PTPA: variants seen among roughly 807,000 people sequenced by gnomAD.
PTPA encodes serine/threonine-protein phosphatase 2A activator.
In PTPA, 13 loss-of-function variants were observed where a neutral mutation model predicts 43.6. That is an observed-to-expected ratio of 0.30 (90% CI 0.19 to 0.47). PTPA has a LOEUF of 0.47. Among genes scored for constraint, PTPA ranks in the 20% least tolerant of loss-of-function variants. PTPA has a pLI of 0.99. For synonymous variants in PTPA, 172 were observed against 158.2 expected (o/e 1.09, Z -0.66); for missense variants, 329 against 411.9 (o/e 0.80, Z 1.74).
intron 7 of PTPA, 88 bp downstream of exon 7, chr9:129,136,683 C>T: frequency 1.4e-6 from 2 of 1,416,090 alleles, no homozygotes; most frequent in South Asian, 3.0e-5. Context: ...CTCCCTCCTT[C>T]CCTTCTTCCT....
In PTPA at chr9:129,142,312, TGC is replaced by T. The variant is rs1161483783; in HGVS notation, c.787-129_787-128del. ...TGCTATAGCTTGGTCCCCAAGTGTC[TGC>T]GCGTGCATTGTGTGCGTGTGCGTTT... is the stretch of plus-strand genomic sequence containing the variant. On this transcript the variant is annotated intron_variant, in intron 8 of 9. Coordinates refer to ENST00000393370, the MANE Select transcript of PTPA (RefSeq NM_178000.3). 1.8e-5 allele frequency: 14 copies of T among 777,618 alleles called. No homozygotes were observed. In the East Asian group the frequency reaches 3.8e-4, roughly 21 times the overall value. 48.2% of individuals were successfully genotyped at this position (777,618 alleles called of 1,614,324 possible). A position where few individuals can be genotyped will look rare whatever the true frequency, so the allele number is the denominator to read the frequency against.
At chr9:129,131,396 C>A (rs1454035083) in intron 4 of PTPA, 126 bp from the exon 5 acceptor site, 3 of 753,608 alleles carry the variant, frequency 4.0e-6, no homozygotes, top group Non-Finnish European at 6.9e-6. Flanking sequence ...TGTGGCCTGT[C>A]AGAACAGGAA....
At chr9:129,129,894 A>G (rs1849844930) in intron 4 of PTPA, among the ~76,000 whole-genome samples, 1 of 152,190 alleles carries the variant, frequency 6.6e-6, no homozygotes, top group South Asian at 2.1e-4. Context: ...CAACATAGCA[A>G]GACCCCGTTA....
intron 3 of PTPA, among the ~76,000 whole-genome samples, chr9:129,123,486 G>C (rs1429878588): frequency 4.0e-5 from 6 of 150,588 alleles, no homozygotes; most frequent in Non-Finnish European, 2.9e-5. Flanking sequence ...AAAAAAAATA[G>C]CTCCAGAGTC....
intron 1 of PTPA, among the ~76,000 whole-genome samples, chr9:129,115,584 A>G (rs1848809963): frequency 6.6e-6 from 1 of 151,744 alleles, no homozygotes; most frequent in Admixed American, 6.6e-5. Flanking sequence ...ACAAATTTAT[A>G]CCAGGTTGTG....
At chr9:129,130,911 T>C (rs1207992306) in intron 4 of PTPA, among the ~76,000 whole-genome samples, 1 of 152,202 alleles carries the variant, frequency 6.6e-6, no homozygotes, top group Non-Finnish European at 1.5e-5. Context: ...TTTCCATGTT[T>C]CTGAACTTCG....
chr9:129,128,185 C>T (rs770929707), intron 3 of PTPA: 36 of 549,376 alleles, frequency 6.6e-5, no homozygotes, highest in Non-Finnish European at 8.9e-5. Flanking sequence ...AATCCAGGCC[C>T]ACCATGCTAA....
chr9:129,143,375 G>T (rs1488615717), intron 9 of PTPA: 1 of 703,070 alleles, frequency 1.4e-6, no homozygotes, highest in South Asian at 1.5e-5. Flanking sequence ...CTGTTCTCAG[G>T]CTGGCCCTTG....
At chr9:129,117,037 T>C (rs768689345) in intron 1 of PTPA, among the ~76,000 whole-genome samples, 1 of 152,166 alleles carries the variant, frequency 6.6e-6, no homozygotes, top group Non-Finnish European at 1.5e-5. Context: ...CACATCATCT[T>C]ATCAACTGAT....
chr9:129,138,414 C>T (rs1031689221), intron 8 of PTPA, among the ~76,000 whole-genome samples: 1 of 152,218 alleles, frequency 6.6e-6, no homozygotes, highest in African/African-American at 2.4e-5. Flanking sequence ...AGCCAGGAAC[C>T]TGCATCTAAA....
At chr9:129,129,159 G>A (rs989561435) in intron 4 of PTPA, 49 bp downstream of exon 4, 1 of 1,601,524 alleles carries the variant, frequency 6.2e-7, no homozygotes, top group South Asian at 1.1e-5. Flanking sequence ...AGTGAGGGTG[G>A]TTCTGGCACC....
At chr9:129,143,749 G>A (rs1564204334) in intron 9 of PTPA, 4 of 256,384 alleles carry the variant, frequency 1.6e-5, no homozygotes, top group South Asian at 1.2e-4. Context: ...CTGAGAGCCC[G>A]TTGGCTGGAG....
At chr9:129,124,479 T>G (rs1275914287) in intron 3 of PTPA, among the ~76,000 whole-genome samples, 1 of 152,216 alleles carries the variant, frequency 6.6e-6, no homozygotes, top group Non-Finnish European at 1.5e-5. Context: ...CGTGGAAATG[T>G]GGAGTCAAAG....
chr9:129,138,459 G>T (rs1053279191), intron 8 of PTPA, among the ~76,000 whole-genome samples: 1 of 152,196 alleles, frequency 6.6e-6, no homozygotes, highest in Admixed American at 6.5e-5. Context: ...GAAAGCTGGG[G>T]ACCCTCTGCT....
intron 3 of PTPA, among the ~76,000 whole-genome samples, chr9:129,126,728 C>G (rs1027733452): frequency 6.6e-6 from 1 of 152,122 alleles, no homozygotes; most frequent in Non-Finnish European, 1.5e-5. Context: ...TTCTTTGTGC[C>G]TCGAAGGTGT....
intron 3 of PTPA, among the ~76,000 whole-genome samples, chr9:129,127,630 G>A (rs1849665229): frequency 6.6e-6 from 1 of 152,172 alleles, no homozygotes; most frequent in Non-Finnish European, 1.5e-5. Context: ...ACAGCCACCC[G>A]ATTTCTTCAT....
chr9:129,115,034 C>G (rs879651544), intron 1 of PTPA, among the ~76,000 whole-genome samples: 17 of 152,124 alleles, frequency 1.1e-4, no homozygotes, highest in Non-Finnish European at 1.8e-4. Flanking sequence ...GAGTCTCACT[C>G]TGTCACCCAG....
intron 9 of PTPA, chr9:129,143,112 G>C: frequency 1.6e-6 from 1 of 628,434 alleles, no homozygotes; most frequent in East Asian, 2.7e-5. Context: ...GAGAGCTGAG[G>C]CTTCCTGGAG....
chr9:129,125,210 TC>T (rs1263979633), intron 3 of PTPA, among the ~76,000 whole-genome samples: 2 of 151,890 alleles, frequency 1.3e-5, no homozygotes, highest in South Asian at 2.1e-4. Flanking sequence ...AGCTGCCAAG[TC>T]CCCTAATTGC....
Sources: allele counts gnomAD v4.1 joint callset (sites outside exome capture counted in the v4.1 genomes callset), GRCh38; gene constraint gnomAD v4.1.1; transcripts MANE v1.5; gene names NCBI Gene and HGNC (gene_info 2026-07-23, HGNC 2026-07-21).